Variants in IL1RAPL1 observed in about 807,000 individuals in gnomAD.
IL1RAPL1 encodes interleukin 1 receptor accessory protein like 1.
In IL1RAPL1, 3 loss-of-function variants were observed where a neutral mutation model predicts 48.4. That is an observed-to-expected ratio of 0.06 (90% confidence interval 0.03 to 0.16). IL1RAPL1 has a LOEUF of 0.16. Ranked by LOEUF, IL1RAPL1 falls within the 10% of genes least tolerant of loss-of-function variation. IL1RAPL1 has a pLI of 1.00. For synonymous variants in IL1RAPL1, 185 were observed against 187.7 expected (o/e 0.99, Z 0.12); for missense variants, 349 against 530.6 (o/e 0.66, Z 3.36).
chrX:29,557,662 A>G (rs1922047931), intron 5 of IL1RAPL1, among the ~76,000 whole-genome samples: 2 of 111,532 alleles, frequency 1.8e-5, no homozygotes, highest in South Asian at 7.4e-4. Flanking sequence ...ACTTTGATCA[A>G]CATCTCCCCA....
intron 2 of IL1RAPL1, among the ~76,000 whole-genome samples, chrX:29,049,529 G>A (rs886699858): frequency 3.6e-5 from 4 of 111,434 alleles, no homozygotes; most frequent in African/African-American, 6.5e-5. Flanking sequence ...TTTCTGTTCC[G>A]TACATATTTG....
At chrX:28,844,094 A>G (rs748611856) in intron 2 of IL1RAPL1, among the ~76,000 whole-genome samples, 2 of 108,138 alleles carry the variant, frequency 1.8e-5, no homozygotes, top group Admixed American at 2.0e-4. Context: ...TCCATTTGTG[A>G]TATCTTTTCA....
intron 1 of IL1RAPL1, among the ~76,000 whole-genome samples, chrX:28,689,654 T>C (rs1935154046): frequency 8.9e-6 from 1 of 112,257 alleles, no homozygotes; most frequent in African/African-American, 3.2e-5. Flanking sequence ...GGGAAATATT[T>C]CCAAAAATAA....
chrX:28,842,185 TA>T (rs1921390363), intron 2 of IL1RAPL1, among the ~76,000 whole-genome samples: 1 of 110,767 alleles, frequency 9.0e-6, no homozygotes, highest in Admixed American at 9.7e-5. Flanking sequence ...ACTTCAAGGA[TA>T]AATATGTTAT....
chrX:29,090,980 A>G (rs950643006), intron 2 of IL1RAPL1, among the ~76,000 whole-genome samples: 2 of 112,174 alleles, frequency 1.8e-5, no homozygotes, highest in African/African-American at 6.5e-5. Context: ...TGTTTTGAAG[A>G]CAGGACAGAG....
chrX:29,686,747 C>T (rs1926635042), intron 6 of IL1RAPL1, among the ~76,000 whole-genome samples: 1 of 108,106 alleles, frequency 9.3e-6, no homozygotes, highest in African/African-American at 3.4e-5. Flanking sequence ...TTAGTACAGA[C>T]GGGGTTTCAC....
Position 29,162,373 on chromosome X carries a change from TAATA to T in IL1RAPL1, c.83-120544_83-120541del, listed in dbSNP as rs200951818. Among the ~76,000 whole-genome samples the T allele has an allele frequency of 6.1e-3, 678 of 110,339 alleles. 8 individuals carry two copies. Among genetic ancestry groups the T allele is most frequent in the African/African-American group, 0.021 (629 of 30,340 alleles). ...ATGTATCCCAGAACTTCAAGTAAAA[TAATA>T]AATAAATAAATAAATAAATATCTGT... On this transcript the variant is annotated intron_variant, in intron 2 of 10. Coordinates refer to ENST00000378993, the MANE Select transcript of IL1RAPL1 (RefSeq NM_014271.4).
intron 1 of IL1RAPL1, among the ~76,000 whole-genome samples, chrX:28,651,428 A>G: frequency 1.8e-5 from 2 of 112,386 alleles, no homozygotes; most frequent in South Asian, 3.7e-4. Context: ...CAATGACTAT[A>G]TGATTCACAA....
chrX:28,944,853 G>A (rs1240932747), intron 2 of IL1RAPL1, among the ~76,000 whole-genome samples: 1 of 109,362 alleles, frequency 9.1e-6, no homozygotes, highest in Non-Finnish European at 1.9e-5. Context: ...AAAAGTCATA[G>A]CATGTCACTT....
intron 5 of IL1RAPL1, among the ~76,000 whole-genome samples, chrX:29,482,111 T>A (rs1186409669): frequency 8.9e-6 from 1 of 111,984 alleles, no homozygotes; most frequent in Non-Finnish European, 1.9e-5. Context: ...AGAAAATTAG[T>A]TTAAAAAACC....
chrX:29,560,767 T>C (rs1253394803), intron 5 of IL1RAPL1, among the ~76,000 whole-genome samples: 2 of 112,457 alleles, frequency 1.8e-5, no homozygotes, highest in African/African-American at 6.5e-5. Context: ...TTTCTGATTT[T>C]GTTCATTTGC....
At chrX:28,808,784 CA>C (rs1349807873) in intron 2 of IL1RAPL1, among the ~76,000 whole-genome samples, 2 of 110,526 alleles carry the variant, frequency 1.8e-5, no homozygotes, top group Non-Finnish European at 3.8e-5. Flanking sequence ...TTACTCTTTG[CA>C]ATTATTATTT....
chrX:29,333,400 G>A (rs1165585834), intron 3 of IL1RAPL1, among the ~76,000 whole-genome samples: 1 of 92,803 alleles, frequency 1.1e-5, no homozygotes, highest in Non-Finnish European at 2.3e-5. Context: ...CTGGCCGGGC[G>A]GGGGGCTGAC....
chrX:29,516,544 G>C (rs1389354674), intron 5 of IL1RAPL1, among the ~76,000 whole-genome samples: 1 of 93,574 alleles, frequency 1.1e-5, no homozygotes, highest in Non-Finnish European at 2.2e-5. Flanking sequence ...TATATTCACT[G>C]TTCTATGACT....
intron 1 of IL1RAPL1, among the ~76,000 whole-genome samples, chrX:28,652,932 G>T (rs947710293): frequency 9.0e-6 from 1 of 110,632 alleles, no homozygotes; most frequent in Non-Finnish European, 1.9e-5. Flanking sequence ...GTGAATTTTT[G>T]TTCCAGATAG....
chrX:29,899,918 C>T (rs755225836), intron 6 of IL1RAPL1, among the ~76,000 whole-genome samples: 5 of 111,723 alleles, frequency 4.5e-5, no homozygotes, highest in Non-Finnish European at 9.4e-5. Flanking sequence ...ATTAACTCAG[C>T]ACAGAAAATT....
chrX:29,601,315 C>G (rs1305558666), intron 5 of IL1RAPL1, among the ~76,000 whole-genome samples: 4 of 111,528 alleles, frequency 3.6e-5, no homozygotes, highest in Non-Finnish European at 5.7e-5. Context: ...TTAGATAATC[C>G]TTAGATTGAT....
At chrX:29,330,324 A>G (rs1038255332) in intron 3 of IL1RAPL1, among the ~76,000 whole-genome samples, 5 of 111,985 alleles carry the variant, frequency 4.5e-5, no homozygotes, top group Non-Finnish European at 9.4e-5. Context: ...TAGAATGACT[A>G]GTCCAAGGTA....
intron 1 of IL1RAPL1, among the ~76,000 whole-genome samples, chrX:28,691,685 C>G (rs770351359): frequency 9.0e-6 from 1 of 111,474 alleles, no homozygotes; most frequent in Non-Finnish European, 1.9e-5. Flanking sequence ...TCTATCCTGT[C>G]TTTCTCTCTT....
Sources: gnomAD v4.1 joint callset for allele counts (sites outside exome capture counted in the v4.1 genomes callset) on GRCh38, gnomAD v4.1.1 for gene constraint, MANE v1.5 for transcripts, NCBI Gene and HGNC (gene_info 2026-07-23, HGNC 2026-07-21) for gene names.